Variants in THBS3 observed in about 807,000 individuals in gnomAD.
THBS3 encodes thrombospondin-3.
In THBS3, 78 loss-of-function variants were observed where a neutral mutation model predicts 118.3. That is an observed-to-expected ratio of 0.66 (90% CI 0.55 to 0.80). THBS3 has a LOEUF of 0.80. Among genes scored for constraint, THBS3 ranks in the 30% least tolerant of loss-of-function variants. THBS3 has a pLI of 0.00. For synonymous variants in THBS3, 427 were observed against 475.3 expected, an observed-to-expected ratio of 0.90 and a Z score of 1.32; for missense variants, 1,057 against 1,247.4, an observed-to-expected ratio of 0.85 and a Z score of 2.30.
chr1:155,196,479 A>T, intron 21 of THBS3: 1 of 298,204 alleles, frequency 3.4e-6, no homozygotes, highest in Non-Finnish European at 6.3e-6. Context: ...CCACAGCCCC[A>T]GGCACCTTAA....
At chr1:155,203,720 C>A (rs1181340505) in intron 4 of THBS3, among the ~76,000 whole-genome samples, 181 bp from the exon 5 acceptor site, 1 of 152,172 alleles carries the variant, frequency 6.6e-6, no homozygotes, top group African/African-American at 2.4e-5. Flanking sequence ...TTCTATGGGG[C>A]AAAAGGCCCT....
At chr1:155,199,106 C>T (rs1197720873) in intron 16 of THBS3, among the ~76,000 whole-genome samples, 1 of 148,270 alleles carries the variant, frequency 6.7e-6, no homozygotes, top group Non-Finnish European at 1.5e-5. Context: ...CAGAGCAAGA[C>T]TCCATCTCAA....
Position 155,202,332 on chromosome 1 carries a change from C to T in THBS3, c.1027G>A (p.Ala343Thr). ...INTMPGFHCE[A>T]CPRGYKGTQV... ...GTGCCCTTGTACCCTCGAGGACAGGCCTCACAGTGGAAGCCGGGCATGGTG... is the reference window on the plus strand; with the variant it reads ...GTGCCCTTGTACCCTCGAGGACAGGTCTCACAGTGGAAGCCGGGCATGGTG... The change falls in exon 9 of 23, where the codon GCC becomes ACC. Residue 343 changes from alanine to threonine, a missense_variant. This residue lies in a region of THBS3 where 544 missense variants were observed against 715.6 expected (regional missense o/e 0.76). Transcript: ENST00000368378. This position sits in a 1 kb window ranked among gnomAD's most constrained non-coding sequence, Gnocchi z 5.5. The T allele has an allele frequency of 6.2e-7, 1 of 1,614,124 alleles. No individual in the cohort carries two copies. The highest frequency in any genetic ancestry group is 8.5e-7 in the Non-Finnish European group (1 of 1,180,036).
At chr1:155,203,886 G>A (rs1670169002) in intron 4 of THBS3, among the ~76,000 whole-genome samples, 1 of 151,340 alleles carries the variant, frequency 6.6e-6, no homozygotes, top group Admixed American at 6.6e-5. Context: ...TTCCCAGGCT[G>A]GAATGCAGTG....
At chr1:155,208,923 G>A (rs1429254338), upstream of THBS3, 1 of 1,611,184 alleles carries the variant, frequency 6.2e-7, no homozygotes, top group Non-Finnish European at 8.5e-7. Flanking sequence ...AGGCGCACAA[G>A]ACCCCGCTCT....
At chr1:155,207,325 A>G (rs1283839993) in intron 1 of THBS3, among the ~76,000 whole-genome samples, 1 of 152,156 alleles carries the variant, frequency 6.6e-6, no homozygotes, top group African/African-American at 2.4e-5. Context: ...TGCCTGTGTC[A>G]TCTGCTCCAG....
chr1:155,203,178 A>G (rs1381784196), intron 6 of THBS3, 41 bp from the exon 7 acceptor site: 2 of 1,613,938 alleles, frequency 1.2e-6, no homozygotes, highest in African/African-American at 2.7e-5. Flanking sequence ...GACATCTGCC[A>G]CCCTACCCCA....
intron 14 of THBS3, 25 bp from the exon 15 acceptor site, chr1:155,200,138 T>A (rs548448480): frequency 6.6e-7 from 1 of 1,513,818 alleles, no homozygotes; most frequent in South Asian, 1.3e-5. Context: ...TAGCACAAGG[T>A]TGTTACTAGA....
Position 155,198,627 on chromosome 1 carries a change from T to C in THBS3, c.1881-25A>G, listed in dbSNP as rs747497353. The C allele has an allele frequency of 3.1e-6, 5 of 1,603,858 alleles. No individual in the cohort carries two copies. In the African/African-American group the frequency reaches 5.4e-5, roughly 17 times the overall value. On this transcript the variant is annotated intron_variant, in intron 16 of 22. Coordinates refer to ENST00000368378, the MANE Select transcript of THBS3 (RefSeq NM_007112.5). ...GCTAATCAGAAGAACAGGTACCAAA[T>C]AAAGGATTTAAAGGTACTCCTTGTC...
rs1350504492 is a variant in THBS3 at position 155,202,348 on chromosome 1, G to A, written c.1011C>T (p.Pro337=). The part of the protein sequence containing the change: ...FPGSSCINTM[P]GFHCEACPRG... ...GAGGACAGGCCTCACAGTGGAAGCC[G>A]GGCATGGTGTTGATGCAGCTGGAGC... is the stretch of plus-strand genomic sequence containing the variant. The change falls in exon 9 of 23, where the codon CCC becomes CCT. Residue 337 remains proline, a synonymous_variant. Transcript: ENST00000368378. The surrounding 1 kb of genome is among the most constrained non-coding windows in gnomAD (Gnocchi z 5.5). 1.4e-5 allele frequency: 22 copies of A among 1,613,950 alleles called. No homozygotes were observed. The highest frequency in any genetic ancestry group is 8.0e-5 in the African/African-American group (6 of 74,922).
rs781417410 is a variant in THBS3, at chr1:155,197,443, G to A, written c.2499+20C>T. ...CTTTGGGAAAGGGCCCTGGGTTGCGGAATCTGAGCAGCTGGGGACCTTGAG... is the reference window on the plus strand; with the variant it reads ...CTTTGGGAAAGGGCCCTGGGTTGCGAAATCTGAGCAGCTGGGGACCTTGAG... On this transcript the variant is annotated intron_variant, in intron 20 of 22. Coordinates refer to ENST00000368378, the MANE Select transcript of THBS3 (RefSeq NM_007112.5). The surrounding 1 kb of genome is among the most constrained non-coding windows in gnomAD (Gnocchi z 5.0). The A allele has an allele frequency of 3.1e-6, 5 of 1,608,994 alleles. No individual in the cohort carries two copies. The highest frequency in any genetic ancestry group is 1.7e-5 in the Admixed American group (1 of 59,988).
In THBS3 at chr1:155,196,033, G is replaced by C. The variant is rs1023975795; in HGVS notation, c.2766C>G (p.Phe922Leu). The C allele has an allele frequency of 6.2e-7, 1 of 1,614,080 alleles. No homozygotes were observed. Among genetic ancestry groups the C allele is most frequent in the African/African-American group, 1.3e-5 (1 of 74,930 alleles). The change falls in exon 22 of 23, where the codon TTC (phenylalanine) becomes TTG (leucine). Residue 922 changes from phenylalanine to leucine, a missense_variant. Transcript: ENST00000368378. ...TGGACCAAATTATGTTTTCTTGGGA[G>C]AAGCAGAATACACCAAGACGCCCCC... is the stretch of plus-strand genomic sequence containing the variant. ...MRGGRLGVFC[F>L]SQENIIWSNL...
chr1:155,200,235 T>C, intron 14 of THBS3, 122 bp from the exon 15 acceptor site: 2 of 1,072,142 alleles, frequency 1.9e-6, no homozygotes, highest in Non-Finnish European at 2.7e-6. Context: ...AATCTGCCTG[T>C]TTCTTGTCTC....
intron 22 of THBS3, 43 bp downstream of exon 22, chr1:155,195,944 A>T (rs1487527580): frequency 2.8e-5 from 45 of 1,614,210 alleles, no homozygotes; most frequent in Non-Finnish European, 3.6e-5. Flanking sequence ...TGGCTCTCCC[A>T]CAAGGCATGA....
intron 2 of THBS3, among the ~76,000 whole-genome samples, chr1:155,205,824 T>A (rs180822208): frequency 6.6e-6 from 1 of 152,350 alleles, no homozygotes; most frequent in Admixed American, 6.5e-5. Flanking sequence ...TCTTCATTGG[T>A]ATCAGATGAC....
Position 155,204,921 on chromosome 1 carries a change from A to AC in THBS3, c.579dup (p.Ser194ValfsTer10). On this transcript the variant is annotated frameshift_variant, in exon 4 of 23. Coordinates refer to ENST00000368378, the MANE Select transcript of THBS3 (RefSeq NM_007112.5). LOFTEE classifies it high-confidence loss of function. ...CTCAGGGCTCCTACCCGGGCCATGG[A>AC]CCCACCCAGAATAATTTTCATAGAT... The AC allele has an allele frequency of 6.2e-7, 1 of 1,613,946 alleles. No individual in the cohort carries two copies. Among genetic ancestry groups the AC allele is most frequent in the Non-Finnish European group, 8.5e-7 (1 of 1,180,016 alleles).
Position 155,197,147 on chromosome 1 carries a change from G to C in THBS3, c.2566C>G (p.Pro856Ala), listed in dbSNP as rs1223851422. The change falls in exon 21 of 23, where the codon CCT becomes GCT. Residue 856 changes from proline to alanine, a missense_variant. This residue lies in a region of THBS3 where 307 missense variants were observed against 326.1 expected (regional missense o/e 0.94). Coordinates refer to ENST00000368378, the MANE Select transcript of THBS3 (RefSeq NM_007112.5). This position sits in a 1 kb window ranked among gnomAD's most constrained non-coding sequence, Gnocchi z 5.0. ...RNALWHTGHT[P>A]DQVRLLWTDP... ...GTCCACAGCAGTCGTACCTGATCAG[G>C]GGTGTGGCCAGTATGCCACAGGGCA... 7 of 1,614,086 alleles carry C rather than the reference G, an allele frequency of 4.3e-6. No individual in the cohort carries two copies. The Admixed American group carries it at 1.2e-4, about 27-fold the overall frequency.
At chr1:155,199,717 T>C (rs1669361757) in intron 16 of THBS3, 87 bp downstream of exon 16, 2 of 1,461,906 alleles carry the variant, frequency 1.4e-6, no homozygotes, top group Middle Eastern at 1.9e-4. Flanking sequence ...ATCGTGCCAC[T>C]GTACTCCAGC....
upstream of THBS3, chr1:155,208,084 G>A: frequency 1.7e-6 from 1 of 580,800 alleles, no homozygotes; most frequent in South Asian, 2.1e-5. Context: ...AATCCTGGAG[G>A]CCTCCCTGCT....
Sources: allele counts gnomAD v4.1 joint callset (sites outside exome capture counted in the v4.1 genomes callset), GRCh38; gene constraint gnomAD v4.1.1; regional missense constraint gnomAD v4.1.1; non-coding constraint Gnocchi (gnomAD v3.1); transcripts MANE v1.5; gene names NCBI Gene and HGNC (gene_info 2026-07-23, HGNC 2026-07-21).